The following PTPRG variants were observed in gnomAD, a reference collection of about 807,000 sequenced individuals.
PTPRG encodes the protein protein tyrosine phosphatase receptor type G, also known as receptor-type tyrosine-protein phosphatase gamma.
PTPRG carries 102 observed loss-of-function variants against 165.3 expected under a neutral mutation model. The ratio of observed to expected loss-of-function variants is 0.62; its 90% CI spans 0.53 to 0.73. The LOEUF is 0.73. Ranked by LOEUF, PTPRG falls within the 30% of genes least tolerant of loss-of-function variation. PTPRG has a pLI of 0.00. For synonymous variants in PTPRG, 675 were observed against 669.5 expected, an observed-to-expected ratio of 1.01 and a Z score of -0.13; for missense variants, 1,866 against 1,861.4, an observed-to-expected ratio of 1.00 and a Z score of -0.05.
In PTPRG at chr3:61,953,449, A is replaced by G. The variant is rs116833553; in HGVS notation, c.191-36176A>G. On this transcript the variant is annotated intron_variant, in intron 2 of 29. Coordinates refer to ENST00000474889, the MANE Select transcript of PTPRG (RefSeq NM_002841.4). ...TAAAAACCTAGGCAGGTCCCCTAGT[A>G]TCAGTGCCTCTAGGAACGTGAGCAC... Among the ~76,000 whole-genome samples the G allele has an allele frequency of 3.1e-3, 475 of 152,342 alleles. 2 individuals are homozygous for G. Among genetic ancestry groups the G allele is most frequent in the African/African-American group, 0.011 (450 of 41,582 alleles).
intron 1 of PTPRG, among the ~76,000 whole-genome samples, chr3:61,600,178 A>ATGTG (rs1559518869): frequency 5.1e-5 from 4 of 78,896 alleles, no homozygotes; most frequent in African/African-American, 1.7e-4. Context: ...AAAAAAATAT[A>ATGTG]TATATATATA....
chr3:61,660,374 A>C (rs1044246563), intron 1 of PTPRG, among the ~76,000 whole-genome samples: 3 of 152,336 alleles, frequency 2.0e-5, no homozygotes, highest in Non-Finnish European at 2.9e-5. Flanking sequence ...GAAGTATCAC[A>C]GTGTGGTTAA....
At chr3:61,765,672 C>A (rs968010472) in intron 2 of PTPRG, among the ~76,000 whole-genome samples, 11 of 152,114 alleles carry the variant, frequency 7.2e-5, no homozygotes, top group African/African-American at 2.7e-4. Flanking sequence ...TGACAGGCTA[C>A]CGTGATCCAG....
chr3:61,918,734 G>A (rs1052824260), intron 2 of PTPRG, among the ~76,000 whole-genome samples: 3 of 152,190 alleles, frequency 2.0e-5, no homozygotes, highest in Non-Finnish European at 4.4e-5. Flanking sequence ...CTGGGGAGCG[G>A]TGATGGGAAA....
intron 2 of PTPRG, among the ~76,000 whole-genome samples, chr3:61,956,638 A>G (rs1481576303): frequency 6.6e-6 from 1 of 152,230 alleles, no homozygotes; most frequent in Non-Finnish European, 1.5e-5. Context: ...AAGGGAAATA[A>G]GGAAAATGAA....
At chr3:61,866,309 C>T (rs2037406070) in intron 2 of PTPRG, among the ~76,000 whole-genome samples, 1 of 152,174 alleles carries the variant, frequency 6.6e-6, no homozygotes, top group Admixed American at 6.5e-5. Context: ...CACAGTAACA[C>T]ATGCTTCTGT....
chr3:62,149,562 G>T (rs893897964), intron 6 of PTPRG, among the ~76,000 whole-genome samples: 1 of 152,134 alleles, frequency 6.6e-6, no homozygotes, highest in South Asian at 2.1e-4. Flanking sequence ...GAGCCACTGC[G>T]CCCGGCCATC....
chr3:61,734,837 C>G (rs1420282439), intron 1 of PTPRG, among the ~76,000 whole-genome samples: 1 of 152,140 alleles, frequency 6.6e-6, no homozygotes, highest in Non-Finnish European at 1.5e-5. Context: ...TTTCACCTAG[C>G]TTCTTGTATA....
chr3:62,295,869 C>T lies in PTPRG; in HGVS notation c.*2562C>T, dbSNP rs1408006394. 1 of 152,004 alleles carries T rather than the reference C, an allele frequency of 6.6e-6. No individual in the cohort carries two copies. Among genetic ancestry groups the T allele is most frequent in the African/African-American group, 2.4e-5 (1 of 41,388 alleles). 9.4% of individuals were successfully genotyped at this position (152,004 alleles called of 1,614,324 possible). Reference sequence around the variant, plus strand: ...TGGCAAAAACATAGCTTGCATCTTTCCAGAGGCAGAGTTTCAAAGACAGGG... The same window carrying T: ...TGGCAAAAACATAGCTTGCATCTTTTCAGAGGCAGAGTTTCAAAGACAGGG... On this transcript the variant is annotated 3_prime_UTR_variant, in exon 30 of 30. Transcript: ENST00000474889.
chr3:61,747,775 C>T (rs1325685714), intron 1 of PTPRG, among the ~76,000 whole-genome samples: 1 of 152,110 alleles, frequency 6.6e-6, no homozygotes, highest in Non-Finnish European at 1.5e-5. Flanking sequence ...ATACAGCTTC[C>T]CAAAACTTTC....
At chr3:62,079,006 A>T (rs1160885826) in intron 5 of PTPRG, among the ~76,000 whole-genome samples, 2 of 152,150 alleles carry the variant, frequency 1.3e-5, no homozygotes, top group Non-Finnish European at 2.9e-5. Flanking sequence ...CTTAAAGTTG[A>T]CCTAGCGACT....
intron 2 of PTPRG, among the ~76,000 whole-genome samples, chr3:61,881,007 C>T (rs1445735062): frequency 1.3e-5 from 2 of 150,308 alleles, no homozygotes; most frequent in African/African-American, 2.4e-5. Flanking sequence ...TCATTCCACT[C>T]ATTTGTTACC....
chr3:61,584,136 C>T (rs572733021), intron 1 of PTPRG, among the ~76,000 whole-genome samples: 1 of 152,308 alleles, frequency 6.6e-6, no homozygotes, highest in South Asian at 2.1e-4. Flanking sequence ...AGGAGACATG[C>T]TGATAACACT....
intron 4 of PTPRG, among the ~76,000 whole-genome samples, chr3:62,027,889 T>C: frequency 6.6e-6 from 1 of 152,204 alleles, no homozygotes; most frequent in East Asian, 1.9e-4. Flanking sequence ...TAATTTTCCT[T>C]GTTATAATAA....
chr3:61,925,786 C>T (rs948063728), intron 2 of PTPRG: 1 of 412,492 alleles, frequency 2.4e-6, no homozygotes, highest in Non-Finnish European at 4.9e-6. Context: ...GCAGCACCTG[C>T]CAACCTATAC....
intron 13 of PTPRG, among the ~76,000 whole-genome samples, chr3:62,226,594 A>T (rs1325563314): frequency 1.3e-5 from 2 of 152,228 alleles, no homozygotes; most frequent in African/African-American, 4.8e-5. Flanking sequence ...AGCCTAGAAA[A>T]AGACTTGCAA....
At chr3:61,843,526 T>A (rs2036713087) in intron 2 of PTPRG, among the ~76,000 whole-genome samples, 1 of 152,162 alleles carries the variant, frequency 6.6e-6, no homozygotes, top group Non-Finnish European at 1.5e-5. Flanking sequence ...AAAGTTTTGG[T>A]GAAGAAGAAG....
At chr3:61,596,205 T>C (rs1159522798) in intron 1 of PTPRG, among the ~76,000 whole-genome samples, 2 of 152,186 alleles carry the variant, frequency 1.3e-5, no homozygotes, top group Non-Finnish European at 2.9e-5. Flanking sequence ...TTTATCGTTG[T>C]CACCCCCTCA....
intron 1 of PTPRG, among the ~76,000 whole-genome samples, chr3:61,660,688 A>G (rs769661253): frequency 9.2e-5 from 14 of 152,140 alleles, no homozygotes; most frequent in Non-Finnish European, 1.9e-4. Flanking sequence ...CGGGTTGACA[A>G]TGATAATGAT....
Sources: allele counts gnomAD v4.1 joint callset (sites outside exome capture counted in the v4.1 genomes callset), GRCh38; gene constraint gnomAD v4.1.1; transcripts MANE v1.5; gene names NCBI Gene and HGNC (gene_info 2026-07-23, HGNC 2026-07-21).